The following PTPN4 variants were observed in gnomAD, a reference collection of about 807,000 sequenced individuals.
PTPN4 encodes the protein tyrosine-protein phosphatase non-receptor type 4.
In PTPN4, 49 loss-of-function variants were observed where a neutral mutation model predicts 135.5. The ratio of observed to expected loss-of-function variants is 0.36; its 90% CI spans 0.29 to 0.46. The LOEUF (loss-of-function observed/expected upper bound fraction) is 0.46. Among genes scored for constraint, PTPN4 ranks in the 20% least tolerant of loss-of-function variants. The pLI, the probability that PTPN4 is intolerant of heterozygous loss-of-function variation, is 1.00. For missense variants in PTPN4, 860 were observed against 1,101.0 expected (o/e 0.78, Z 3.10); for synonymous variants, 333 against 369.9 (o/e 0.90, Z 1.14).
chr2:119,804,328 G>A (rs1340695501), intron 1 of PTPN4, among the ~76,000 whole-genome samples: 5 of 151,704 alleles, frequency 3.3e-5, no homozygotes, highest in Non-Finnish European at 5.9e-5. Flanking sequence ...TGTGCACAAC[G>A]TGCAAGTTTG....
At chr2:119,824,482 T>C (rs1027663915) in intron 2 of PTPN4, among the ~76,000 whole-genome samples, 6 of 152,210 alleles carry the variant, frequency 3.9e-5, no homozygotes, top group Admixed American at 1.3e-4. Flanking sequence ...TTTTTATATC[T>C]TTGCTGCTTT....
At chr2:119,860,410 C>T (rs1367139044) in intron 2 of PTPN4, among the ~76,000 whole-genome samples, 1 of 152,108 alleles carries the variant, frequency 6.6e-6, no homozygotes, top group East Asian at 1.9e-4. Flanking sequence ...GGATATGAAT[C>T]TTGGAATTGC....
chr2:119,889,273 A>T (rs1439098120), intron 9 of PTPN4, among the ~76,000 whole-genome samples: 2 of 152,102 alleles, frequency 1.3e-5, no homozygotes, highest in South Asian at 2.1e-4. Context: ...CAAAAAAATT[A>T]GCCGGTCGTG....
intron 9 of PTPN4, among the ~76,000 whole-genome samples, chr2:119,897,849 C>G (rs1243338780): frequency 2.6e-5 from 4 of 152,120 alleles, no homozygotes; most frequent in African/African-American, 9.7e-5. Flanking sequence ...AAATTACCAT[C>G]AGAAATCAAA....
At chr2:119,908,393 T>A (rs914421818) in intron 10 of PTPN4, among the ~76,000 whole-genome samples, 7 of 152,202 alleles carry the variant, frequency 4.6e-5, no homozygotes, top group African/African-American at 1.4e-4. Flanking sequence ...TGTCTTTGTG[T>A]CATATTTTGG....
At chr2:119,839,160 TTTAA>T (rs1414482280) in intron 2 of PTPN4, among the ~76,000 whole-genome samples, 4 of 152,150 alleles carry the variant, frequency 2.6e-5, no homozygotes, top group Non-Finnish European at 5.9e-5. Flanking sequence ...AATTAATTAT[TTTAA>T]TTAGTTTTCA....
chr2:119,855,836 C>T (rs1677668814), intron 2 of PTPN4, among the ~76,000 whole-genome samples: 1 of 151,980 alleles, frequency 6.6e-6, no homozygotes, highest in Non-Finnish European at 1.5e-5. Flanking sequence ...CAGACTCTGT[C>T]TTTGTTGCCC....
intron 15 of PTPN4, among the ~76,000 whole-genome samples, chr2:119,935,609 A>G (rs1035875065): frequency 6.6e-6 from 1 of 152,162 alleles, no homozygotes; most frequent in Non-Finnish European, 1.5e-5. Flanking sequence ...GTGTGTATAT[A>G]TTATTAAAAA....
intron 1 of PTPN4, among the ~76,000 whole-genome samples, chr2:119,774,081 G>A (rs569953027): frequency 6.6e-6 from 1 of 152,182 alleles, no homozygotes; most frequent in Non-Finnish European, 1.5e-5. Flanking sequence ...CACATGAGTA[G>A]TTTGTCTCTC....
intron 5 of PTPN4, among the ~76,000 whole-genome samples, chr2:119,880,823 G>A (rs922956774): frequency 6.6e-6 from 1 of 151,970 alleles, no homozygotes; most frequent in Non-Finnish European, 1.5e-5. Context: ...ATGAAGCCAG[G>A]ATGTTTGTAT....
rs1679678128 is a variant in PTPN4, at chr2:119,980,593, C to T, written c.*3523C>T. 6.6e-6 allele frequency: 1 copy of T among 151,964 alleles called. No homozygotes were observed. The highest frequency in any genetic ancestry group is 2.1e-4 in the South Asian group (1 of 4,802). The allele number at this position is 151,964 out of a possible 1,614,324, so 9.4% of individuals were successfully genotyped here. On this transcript the variant is annotated 3_prime_UTR_variant, in exon 27 of 27. Transcript: ENST00000263708. ...ATACTGGAACTTCAATAAATTATAA[C>T]CTATGTGAATATCATAAATTCTTGT...
At chr2:119,773,741 A>G (rs965592827) in intron 1 of PTPN4, among the ~76,000 whole-genome samples, 1 of 151,832 alleles carries the variant, frequency 6.6e-6, no homozygotes, top group African/African-American at 2.4e-5. Flanking sequence ...GTCTCAAAAA[A>G]AAAAAAAAAA....
chr2:119,907,436 T>TA (rs36068777), intron 10 of PTPN4, among the ~76,000 whole-genome samples: 90,288 of 151,740 alleles, frequency 0.6, 28,753 homozygotes, highest in East Asian at 0.8. Flanking sequence ...CTCGTCTCTA[T>TA]AAAAAATATT....
chr2:119,917,006 A>G (rs1205186975), intron 11 of PTPN4, among the ~76,000 whole-genome samples: 1 of 152,232 alleles, frequency 6.6e-6, no homozygotes. Context: ...TGATTAAAAT[A>G]TAATATTGTT....
At chr2:119,821,717 CT>C (rs1484639948) in intron 2 of PTPN4, among the ~76,000 whole-genome samples, 1 of 152,140 alleles carries the variant, frequency 6.6e-6, no homozygotes, top group Non-Finnish European at 1.5e-5. Context: ...TGTGAGATGA[CT>C]TTCATTTTTC....
chr2:119,969,845 A>G (rs1266898347), intron 26 of PTPN4, among the ~76,000 whole-genome samples: 4 of 152,108 alleles, frequency 2.6e-5, no homozygotes, highest in Non-Finnish European at 5.9e-5. Flanking sequence ...GGCGTGAGCC[A>G]CCACACCCGG....
Position 119,900,705 on chromosome 2 carries a change from A to T in PTPN4, c.676-13A>T. On this transcript the variant is annotated splice_polypyrimidine_tract_variant and intron_variant, in intron 9 of 26. Coordinates refer to ENST00000263708, the MANE Select transcript of PTPN4 (RefSeq NM_002830.4). Reference sequence around the variant, plus strand: ...ATTTAGATTTATCATGTTTTTATTCATTTTTTTTGAAGGATCAGAGTAACA... The same window carrying T: ...ATTTAGATTTATCATGTTTTTATTCTTTTTTTTTGAAGGATCAGAGTAACA... 6 of 1,472,676 alleles carry T rather than the reference A, an allele frequency of 4.1e-6. No homozygotes were observed. Among genetic ancestry groups the T allele is most frequent in the Non-Finnish European group, 5.5e-6 (6 of 1,084,270 alleles). The allele number at this position is 1,472,676 out of a possible 1,614,324, so 91.2% of individuals were successfully genotyped here. A position where few individuals can be genotyped will look rare whatever the true frequency, so the allele number is the denominator to read the frequency against.
At chr2:119,962,502 T>C in intron 23 of PTPN4, 114 bp from the exon 24 acceptor site, 1 of 629,786 alleles carries the variant, frequency 1.6e-6, no homozygotes. Flanking sequence ...TTTATTAAAT[T>C]TTTCTTGTAA....
At chr2:119,876,859 A>G (rs1435324136) in intron 3 of PTPN4, among the ~76,000 whole-genome samples, 1 of 149,250 alleles carries the variant, frequency 6.7e-6, no homozygotes, top group Non-Finnish European at 1.5e-5. Context: ...CAAGTTCTGT[A>G]GTAGAATTTT....
Sources: allele counts gnomAD v4.1 joint callset (sites outside exome capture counted in the v4.1 genomes callset), GRCh38; gene constraint gnomAD v4.1.1; transcripts MANE v1.5; gene names NCBI Gene and HGNC (gene_info 2026-07-23, HGNC 2026-07-21).